Variants in SLC12A7 observed in about 807,000 individuals in gnomAD.
SLC12A7 encodes the protein solute carrier family 12 member 7, also known as K-Cl cotransporter 4.
SLC12A7 carries 100 observed loss-of-function variants against 120.6 expected under a neutral mutation model. The observed-to-expected ratio is 0.83, with a 90% confidence interval of 0.71 to 0.98. The LOEUF is 0.98. SLC12A7 is among the 50% of genes least tolerant of loss of function. The pLI is 0.00. For synonymous variants in SLC12A7, 760 were observed against 678.0 expected, an observed-to-expected ratio of 1.12 and a Z score of -1.88; for missense variants, 1,373 against 1,548.1, an observed-to-expected ratio of 0.89 and a Z score of 1.90.
Position 1,094,216 on chromosome 5 carries a change from G to A in SLC12A7, c.157C>T (p.Leu53Phe). The change falls in exon 2 of 24, where the codon CTC (leucine) becomes TTC (phenylalanine). Residue 53 changes from leucine to phenylalanine, a missense_variant. Coordinates refer to ENST00000264930, the MANE Select transcript of SLC12A7 (RefSeq NM_006598.3). ...DGNPRENSPF[L>F]NNVEVEQESF... ...TCTTGTTCCACCTCGACATTGTTGA[G>A]GAATGGGCTGTTTTCTCTTGGATTT... is the stretch of plus-strand genomic sequence containing the variant. 1 of 1,613,588 alleles carries A rather than the reference G, an allele frequency of 6.2e-7. No homozygotes were observed. Among genetic ancestry groups the A allele is most frequent in the South Asian group, 1.1e-5 (1 of 91,078 alleles).
chr5:1,155,221 C>T, the SLC12A7 span, among the ~76,000 whole-genome samples: 1 of 152,136 alleles, frequency 6.6e-6, no homozygotes, highest in Non-Finnish European at 1.5e-5. Context: ...CGGGCCAGAC[C>T]CCTGCCACCC....
rs1561064600 is a variant in SLC12A7, at chr5:1,078,012, A to AGGCAGGCAGGCG, written c.1455-6_1455-5insCGCCTGCCTGCC. 9.6e-6 allele frequency: 15 copies of AGGCAGGCAGGCG among 1,556,202 alleles called. No homozygotes were observed. Among genetic ancestry groups the AGGCAGGCAGGCG allele is most frequent in the African/African-American group, 1.4e-5 (1 of 72,854 alleles). ...CCCTGCAGGGCCTCCCCGAACCTGCAGGCAGGCGGGCAGGCGGGCGGGCGG... is the reference window on the plus strand; with the variant it reads ...CCCTGCAGGGCCTCCCCGAACCTGCAGGCAGGCAGGCGGGCAGGCGGGCAGGCGGGCGGGCGG... On this transcript the variant is annotated splice_polypyrimidine_tract_variant and splice_region_variant and intron_variant, in intron 11 of 23. Coordinates refer to ENST00000264930, the MANE Select transcript of SLC12A7 (RefSeq NM_006598.3).
chr5:1,107,549 C>T (rs1010783283), intron 1 of SLC12A7, among the ~76,000 whole-genome samples: 2 of 152,228 alleles, frequency 1.3e-5, no homozygotes, highest in Admixed American at 1.3e-4. Flanking sequence ...GGCAAGGTCT[C>T]CGACATTCAC....
chr5:1,077,954 GA>G lies in SLC12A7; in HGVS notation c.1507del (p.Ser503ProfsTer58). 1 of 1,600,288 alleles carries G rather than the reference GA, an allele frequency of 6.2e-7. No individual in the cohort carries two copies. The highest frequency in any genetic ancestry group is 8.5e-7 in the Non-Finnish European group (1 of 1,174,012). ...GGAGCCGATGACGATGACCCAGGGG[GA>G]GGGCCAGGCCAGCATGCCGATGACC... The part of the protein sequence containing the change: ...NLVIGMLAWP[S>X]PWVIVIGSFF... On this transcript the variant is annotated frameshift_variant, in exon 12 of 24. Transcript: ENST00000264930. LOFTEE classifies it high-confidence loss of function.
the SLC12A7 span, among the ~76,000 whole-genome samples, chr5:1,133,330 C>T: frequency 0.028 from 4,261 of 152,312 alleles, 218 homozygotes; most frequent in African/African-American, 0.098. Context: ...ACCCCCCGAC[C>T]TCCTCAGGAT....
chr5:1,146,615 C>T, the SLC12A7 span, among the ~76,000 whole-genome samples: 1 of 152,144 alleles, frequency 6.6e-6, no homozygotes, highest in Non-Finnish European at 1.5e-5. The surrounding 1 kb of genome is among the most constrained non-coding windows in gnomAD (Gnocchi z 6.5). Flanking sequence ...TCCTCCCTTT[C>T]GGAATTTAGG....
At chr5:1,083,515 T>C (rs1739453018) in intron 8 of SLC12A7, among the ~76,000 whole-genome samples, 1 of 152,202 alleles carries the variant, frequency 6.6e-6, no homozygotes, top group Non-Finnish European at 1.5e-5. Context: ...AAGACCAGCT[T>C]GCTGACCATG....
At chr5:1,063,169 G>C (rs74772215) in intron 20 of SLC12A7, among the ~76,000 whole-genome samples, 31 of 152,150 alleles carry the variant, frequency 2.0e-4, no homozygotes, top group African/African-American at 7.5e-4. Flanking sequence ...CGTGAAGGAC[G>C]GGACGAGTCT....
intron 22 of SLC12A7, chr5:1,057,061 G>A (rs1735697683): frequency 1.2e-5 from 2 of 171,020 alleles, no homozygotes; most frequent in Admixed American, 6.3e-5. Flanking sequence ...GCTGACTTCA[G>A]GGCTGGCCCA....
chr5:1,136,954 C>G, the SLC12A7 span, among the ~76,000 whole-genome samples: 3 of 144,472 alleles, frequency 2.1e-5, 1 homozygote, highest in South Asian at 4.5e-4. Context: ...CACATACCAC[C>G]AGGACACACA....
intron 7 of SLC12A7, among the ~76,000 whole-genome samples, chr5:1,084,508 C>T (rs1057353432): frequency 6.6e-6 from 1 of 152,196 alleles, no homozygotes; most frequent in Non-Finnish European, 1.5e-5. Flanking sequence ...AGTGCCGCCC[C>T]CGACGTATAA....
chr5:1,133,761 T>C, the SLC12A7 span, among the ~76,000 whole-genome samples: 2 of 152,056 alleles, frequency 1.3e-5, no homozygotes, highest in Admixed American at 6.6e-5. Context: ...GAGGCTGAGG[T>C]TGGGGGCAGC....
rs1377072505 is a variant in SLC12A7, at chr5:1,052,359, A to AT, written c.3252dup. On this transcript the variant is annotated 3_prime_UTR_variant, in exon 24 of 24. Coordinates refer to ENST00000264930, the MANE Select transcript of SLC12A7 (RefSeq NM_006598.3). Reference sequence around the variant, plus strand: ...CCAGAGTGCCGTGATGCTGTTGGGCATTAGGAGTAGATGGTGATCACCTCC... The same window carrying AT: ...CCAGAGTGCCGTGATGCTGTTGGGCATTTAGGAGTAGATGGTGATCACCTCC... 1.9e-6 allele frequency: 3 copies of AT among 1,611,930 alleles called. No individual in the cohort carries two copies. In the African/African-American group the frequency reaches 4.0e-5, roughly 22 times the overall value.
At chr5:1,135,479 T>C in the SLC12A7 span, among the ~76,000 whole-genome samples, 1 of 152,178 alleles carries the variant, frequency 6.6e-6, no homozygotes, top group Non-Finnish European at 1.5e-5. Flanking sequence ...TGATGTCACC[T>C]GCGGCCCTCG....
Position 1,081,179 on chromosome 5 carries a change from G to A in SLC12A7, c.1297+398C>T, listed in dbSNP as rs562407586. ...GACAAAGACAAAGGAAGAGAAAGAA[G>A]GAAGCCAGGCGTGGTGGCTCAAGAC... On this transcript the variant is annotated intron_variant, in intron 9 of 23. Coordinates refer to ENST00000264930, the MANE Select transcript of SLC12A7 (RefSeq NM_006598.3). Among the ~76,000 whole-genome samples, 10 of 152,110 alleles carry A rather than the reference G, an allele frequency of 6.6e-5. No homozygotes were observed. The South Asian group carries it at 1.7e-3, about 25-fold the overall frequency.
Position 1,051,025 on chromosome 5 carries a change from CCACGT to C in SLC12A7, c.*1330_*1334del, listed in dbSNP as rs377293292. The C allele has an allele frequency of 1.7e-3, 696 of 398,474 alleles. 8 individuals are homozygous for C. Among genetic ancestry groups the C allele is most frequent in the African/African-American group, 0.014 (667 of 48,734 alleles). The allele number at this position is 398,474 out of a possible 1,614,324, so 24.7% of individuals were successfully genotyped here. On this transcript the variant is annotated 3_prime_UTR_variant, in exon 24 of 24. Coordinates refer to ENST00000264930, the MANE Select transcript of SLC12A7 (RefSeq NM_006598.3). ...AACCTCTTTATGGACAACCTTGTTA[CCACGT>C]AACTCCCTGGGGTGTTTAAATAAAT...
chr5:1,131,011 G>A, the SLC12A7 span, among the ~76,000 whole-genome samples: 1 of 152,138 alleles, frequency 6.6e-6, no homozygotes, highest in African/African-American at 2.4e-5. Flanking sequence ...CCAGGACACA[G>A]AACAGGGAGG....
rs115746465 is a variant in SLC12A7, at chr5:1,099,151, C to T, written c.125-4903G>A. Among the ~76,000 whole-genome samples the T allele has an allele frequency of 4.1e-3, 629 of 152,272 alleles. 2 individuals carry two copies. The highest frequency in any genetic ancestry group is 0.014 in the African/African-American group (576 of 41,556). On this transcript the variant is annotated intron_variant, in intron 1 of 23. Transcript: ENST00000264930. ...GTGGCCTCTGCCAAGCAGGGTGAAG[C>T]GGGGGCGAGGGATGGCCCAACAACC... is the stretch of plus-strand genomic sequence containing the variant.
At chr5:1,147,258 C>CG in the SLC12A7 span, among the ~76,000 whole-genome samples, 5 of 141,152 alleles carry the variant, frequency 3.5e-5, no homozygotes, top group African/African-American at 1.3e-4. Flanking sequence ...CCACCCCCCC[C>CG]GCCCCCGCCT....
Sources: allele counts gnomAD v4.1 joint callset (sites outside exome capture counted in the v4.1 genomes callset), GRCh38; gene constraint gnomAD v4.1.1; non-coding constraint Gnocchi (gnomAD v3.1); transcripts MANE v1.5; gene names NCBI Gene and HGNC (gene_info 2026-07-23, HGNC 2026-07-21).